The following C1QTNF7 variants were observed in gnomAD, a reference collection of about 807,000 sequenced individuals.
C1QTNF7 encodes the protein complement C1q tumor necrosis factor-related protein 7.
A neutral mutation model predicts 19.6 loss-of-function variants in C1QTNF7; 15 were observed. The ratio of observed to expected loss-of-function variants is 0.76; its 90% CI spans 0.51 to 1.18. C1QTNF7 has a LOEUF of 1.18. C1QTNF7 is among the 50% of genes most tolerant of loss of function. The pLI is 0.00. For synonymous variants in C1QTNF7, 142 were observed against 137.5 expected (o/e 1.03, Z -0.23); for missense variants, 324 against 359.7 (o/e 0.90, Z 0.80).
intron 1 of C1QTNF7, among the ~76,000 whole-genome samples, 165 bp downstream of exon 1, chr4:15,428,271 A>G (rs2108932073): frequency 6.6e-6 from 1 of 152,290 alleles, no homozygotes; most frequent in East Asian, 1.9e-4. Context: ...CTTTCTAACC[A>G]TAGACAAGTT....
intron 1 of C1QTNF7, among the ~76,000 whole-genome samples, chr4:15,414,646 C>A (rs1405082957): frequency 6.6e-6 from 1 of 152,062 alleles, no homozygotes; most frequent in Admixed American, 6.5e-5. Flanking sequence ...TATTTAGAAT[C>A]TGTGACCTAA....
chr4:15,395,110 G>A (rs956807196), intron 1 of C1QTNF7, among the ~76,000 whole-genome samples: 1 of 152,194 alleles, frequency 6.6e-6, no homozygotes, highest in Non-Finnish European at 1.5e-5. Flanking sequence ...AGGGAGAGAA[G>A]AGAGAGCCTG....
intron 1 of C1QTNF7, among the ~76,000 whole-genome samples, chr4:15,422,937 C>G (rs528176119): frequency 1.3e-5 from 2 of 152,058 alleles, no homozygotes; most frequent in African/African-American, 4.8e-5. Context: ...AAGTTTTTTA[C>G]GTTTTAAAAT....
At chr4:15,375,969 T>G (rs963802270) in intron 1 of C1QTNF7, among the ~76,000 whole-genome samples, 4 of 152,052 alleles carry the variant, frequency 2.6e-5, no homozygotes, top group African/African-American at 7.2e-5. Context: ...CTTCCAAGAG[T>G]CGAAAGGCTC....
At chr4:15,371,339 G>A (rs1205224539) in intron 1 of C1QTNF7, among the ~76,000 whole-genome samples, 5 of 152,220 alleles carry the variant, frequency 3.3e-5, no homozygotes, top group East Asian at 1.9e-4. Flanking sequence ...GTTCTTGGGC[G>A]TATGCTTGCT....
At chr4:15,433,041 G>A (rs1366285020) in intron 1 of C1QTNF7, among the ~76,000 whole-genome samples, 3 of 152,092 alleles carry the variant, frequency 2.0e-5, no homozygotes, top group African/African-American at 7.2e-5. Flanking sequence ...TTTCACACCT[G>A]CATCACCATG....
intron 1 of C1QTNF7, among the ~76,000 whole-genome samples, chr4:15,434,300 T>A (rs1377933348): frequency 3.9e-5 from 6 of 152,214 alleles, no homozygotes; most frequent in African/African-American, 1.4e-4. Context: ...GTGCACACTG[T>A]GTTTTTCTTA....
At chr4:15,394,951 A>C (rs1381504098) in intron 1 of C1QTNF7, among the ~76,000 whole-genome samples, 1 of 152,190 alleles carries the variant, frequency 6.6e-6, no homozygotes, top group Non-Finnish European at 1.5e-5. Context: ...TACCTGTGGG[A>C]TTTTAATTTA....
At chr4:15,361,193 G>C (rs1214488001) in intron 1 of C1QTNF7, 2 of 152,046 alleles carry the variant, frequency 1.3e-5, no homozygotes, top group African/African-American at 4.8e-5. Context: ...ATATTCTTCA[G>C]AAGCACTTTC....
At chr4:15,355,599 A>G (rs1291130698) in intron 1 of C1QTNF7, among the ~76,000 whole-genome samples, 2 of 152,012 alleles carry the variant, frequency 1.3e-5, no homozygotes, top group African/African-American at 4.8e-5. Context: ...AAAAAAAAAA[A>G]TGTGGATTAC....
intron 1 of C1QTNF7, among the ~76,000 whole-genome samples, chr4:15,399,342 C>T (rs1718902595): frequency 6.6e-6 from 1 of 152,126 alleles, no homozygotes; most frequent in South Asian, 2.1e-4. Flanking sequence ...CCTGTTCTGC[C>T]AATGCCTGAT....
At chr4:15,407,170 G>A (rs1306248643) in intron 1 of C1QTNF7, among the ~76,000 whole-genome samples, 4 of 151,886 alleles carry the variant, frequency 2.6e-5, no homozygotes, top group Middle Eastern at 3.2e-3. Context: ...TGTGTCAGGC[G>A]GGTAACACCA....
At chr4:15,381,966 A>G (rs983527002) in intron 1 of C1QTNF7, 11 of 152,198 alleles carry the variant, frequency 7.2e-5, no homozygotes, top group Admixed American at 3.3e-4. Flanking sequence ...AAGCAATTTC[A>G]TTTTCCAAGC....
intron 1 of C1QTNF7, among the ~76,000 whole-genome samples, chr4:15,410,735 G>T (rs992622771): frequency 3.9e-5 from 6 of 152,160 alleles, no homozygotes; most frequent in Admixed American, 1.3e-4. Context: ...AAACTAACTA[G>T]GTGAACTTAG....
At chr4:15,397,872 C>T (rs11937671) in intron 1 of C1QTNF7, among the ~76,000 whole-genome samples, 54,435 of 151,944 alleles carry the variant, frequency 0.36, 10,040 homozygotes, top group East Asian at 0.54. Flanking sequence ...CAGATGCTGG[C>T]GACTACACAG....
chr4:15,384,614 G>A lies in C1QTNF7; in HGVS notation c.13+44407G>A, dbSNP rs778411625. ...GAAAACTGAATTCCGGAGCTTTTCT[G>A]TTCAGTGTTATAGAAATGGTTCAAG... On this transcript the variant is annotated intron_variant, in intron 1 of 2. Coordinates refer to the C1QTNF7 transcript ENST00000295297. Among the ~76,000 whole-genome samples, 10 of 152,288 alleles carry A rather than the reference G, an allele frequency of 6.6e-5. No individual in the cohort carries two copies. In the South Asian group the frequency reaches 8.3e-4, roughly 13 times the overall value.
In C1QTNF7 at chr4:15,420,686, C is replaced by G. The variant is rs114824899; in HGVS notation, c.14-15050C>G. Among the ~76,000 whole-genome samples, 993 of 152,150 alleles carry G rather than the reference C, an allele frequency of 6.5e-3. 15 individuals carry two copies. Among genetic ancestry groups the G allele is most frequent in the African/African-American group, 0.023 (943 of 41,492 alleles). On this transcript the variant is annotated intron_variant, in intron 1 of 2. Coordinates refer to the C1QTNF7 transcript ENST00000295297. The stretch of plus-strand genomic sequence containing the variant: ...GAGTCTTTTGCCCAAGGCAATTTGC[C>G]CAAGGTCACATGGCTGGACAATGAT...
intron 1 of C1QTNF7, among the ~76,000 whole-genome samples, chr4:15,396,360 G>A (rs934697252): frequency 6.6e-6 from 1 of 152,158 alleles, no homozygotes; most frequent in African/African-American, 2.4e-5. Flanking sequence ...CACTGACACA[G>A]AGGACCATAA....
At chr4:15,366,317 G>T (rs994648165) in intron 1 of C1QTNF7, among the ~76,000 whole-genome samples, 1 of 152,134 alleles carries the variant, frequency 6.6e-6, no homozygotes, top group Non-Finnish European at 1.5e-5. Context: ...AATTAGGATG[G>T]CTGGTCACCC....
Sources: allele counts gnomAD v4.1 joint callset (sites outside exome capture counted in the v4.1 genomes callset), GRCh38; gene constraint gnomAD v4.1.1; transcripts MANE v1.5; gene names NCBI Gene and HGNC (gene_info 2026-07-23, HGNC 2026-07-21).